ELFN1: variants seen among roughly 807,000 people sequenced by gnomAD.
The protein encoded by ELFN1 is protein ELFN1.
In ELFN1, 6 loss-of-function variants were observed where a neutral mutation model predicts 7.6. The ratio of observed to expected loss-of-function variants is 0.79; its 90% confidence interval spans 0.43 to 1.56. ELFN1 has a LOEUF of 1.56. Among genes scored for constraint, ELFN1 ranks in the 40% most tolerant of loss-of-function variants. The pLI, the probability that ELFN1 is intolerant of heterozygous loss-of-function variation, is 0.01. For missense variants in ELFN1, 1,169 were observed against 1,232.2 expected (o/e 0.95, Z 0.77); for synonymous variants, 657 against 588.1 (o/e 1.12, Z -1.70).
intron 1 of ELFN1, among the ~76,000 whole-genome samples, chr7:1,685,409 C>G (rs960864800): frequency 1.1e-4 from 17 of 152,134 alleles, no homozygotes; most frequent in African/African-American, 4.1e-4. Context: ...GTGTCTTTCT[C>G]TCTCTCCTGT....
In ELFN1 at chr7:1,745,927, G is replaced by A. The variant is rs563858883; in HGVS notation, c.1331G>A (p.Arg444Gln). ...GAVYYCLRRR[R>Q]RQEEKHKKAA... Reference sequence around the variant, plus strand: ...GTCTACTACTGCCTGCGCAGGCGGCGGCGCCAGGAGGAGAAGCACAAGAAG... The same window carrying A: ...GTCTACTACTGCCTGCGCAGGCGGCAGCGCCAGGAGGAGAAGCACAAGAAG... The change falls in exon 4 of 4, where the codon CGG becomes CAG. Residue 444 changes from arginine to glutamine, a missense_variant. Around this residue, in one of 2 missense-constraint regions of ELFN1, gnomAD observed 914 missense variants for 872.6 expected, o/e 1.05. Coordinates refer to ENST00000424383, the MANE Select transcript of ELFN1 (RefSeq NM_001128636.4). 79 of 1,563,858 alleles carry A rather than the reference G, an allele frequency of 5.1e-5. No homozygotes were observed. The highest frequency in any genetic ancestry group is 1.2e-4 in the East Asian group (5 of 41,658).
rs138106969 is a variant in ELFN1 at position 1,735,054 on chromosome 7, G to A, written c.-293-9250G>A. On this transcript the variant is annotated intron_variant, in intron 3 of 3. Coordinates refer to ENST00000424383, the MANE Select transcript of ELFN1 (RefSeq NM_001128636.4). This position sits in a 1 kb window ranked among gnomAD's most constrained non-coding sequence, Gnocchi z 5.9. The stretch of plus-strand genomic sequence containing the variant: ...TGTTGCCGCCTTCCTGGGCCTTGCC[G>A]TGGGGGAGTCTCAACTTCCTGGCTA... 3.5e-3 allele frequency among the ~76,000 whole-genome samples: 539 copies of A among 152,240 alleles called. 5 individuals are homozygous for A. Among genetic ancestry groups the A allele is most frequent in the African/African-American group, 0.012 (495 of 41,544 alleles).
chr7:1,674,680 C>T (rs1454096367), intron 1 of ELFN1, among the ~76,000 whole-genome samples: 1 of 152,130 alleles, frequency 6.6e-6, no homozygotes, highest in Non-Finnish European at 1.5e-5. Context: ...CTGCCAGTTC[C>T]AGGACAGACT....
intron 3 of ELFN1, among the ~76,000 whole-genome samples, chr7:1,714,940 C>T (rs1779784074): frequency 6.6e-6 from 1 of 152,228 alleles, no homozygotes; most frequent in African/African-American, 2.4e-5. Context: ...TAGCTTCCTG[C>T]TCTGCCACTG....
In ELFN1 at chr7:1,717,823, G is replaced by A. The variant is rs139176940; in HGVS notation, c.-294+8571G>A. The stretch of plus-strand genomic sequence containing the variant: ...AGGGTGGGCATGTCAGGGACAGGTC[G>A]CAGGGGAGGAGGAAGTTGTAGTCCT... On this transcript the variant is annotated intron_variant, in intron 3 of 3. Transcript: ENST00000424383. Among the ~76,000 whole-genome samples, 68 of 152,246 alleles carry A rather than the reference G, an allele frequency of 4.5e-4. 1 individual carries two copies. The highest frequency in any genetic ancestry group is 1.5e-3 in the African/African-American group (61 of 41,542).
In ELFN1 at chr7:1,691,264, G is replaced by C. The variant is rs546769868; in HGVS notation, c.-456+3114G>C. Among the ~76,000 whole-genome samples, 5 of 152,310 alleles carry C rather than the reference G, an allele frequency of 3.3e-5. No individual in the cohort carries two copies. In the South Asian group the frequency reaches 1.0e-3, roughly 32 times the overall value. On this transcript the variant is annotated intron_variant, in intron 2 of 3. Coordinates refer to ENST00000424383, the MANE Select transcript of ELFN1 (RefSeq NM_001128636.4). ...CTCCGGGATGCCGACACTGATCCCA[G>C]CAGACAGGAGGTCTGTTTGCACCCT...
intron 2 of ELFN1, among the ~76,000 whole-genome samples, chr7:1,700,806 G>A (rs1477264281): frequency 6.6e-6 from 1 of 152,224 alleles, no homozygotes; most frequent in African/African-American, 2.4e-5. Context: ...CCGGTCTGGC[G>A]GGTGTGTCCT....
At chr7:1,699,401 G>A (rs919829302) in intron 2 of ELFN1, among the ~76,000 whole-genome samples, 1 of 152,202 alleles carries the variant, frequency 6.6e-6, no homozygotes, top group Non-Finnish European at 1.5e-5. Context: ...ACTTTGGGAG[G>A]CCGAGGTGGG....
In ELFN1 at chr7:1,719,106, CCCA is replaced by C. The variant is rs572609328; in HGVS notation, c.-294+9858_-294+9860del. ...CCCAGGGGTTACCAACAGGGCCCCG[CCCA>C]CCAACAGGACCCCGCCCACCAACAG... On this transcript the variant is annotated intron_variant, in intron 3 of 3. Coordinates refer to ENST00000424383, the MANE Select transcript of ELFN1 (RefSeq NM_001128636.4). Among the ~76,000 whole-genome samples the C allele has an allele frequency of 4.8e-3, 721 of 149,790 alleles. 6 individuals are homozygous for C. Among genetic ancestry groups the C allele is most frequent in the Middle Eastern group, 0.014 (4 of 288 alleles).
At chr7:1,718,088 C>T (rs1266444493) in intron 3 of ELFN1, among the ~76,000 whole-genome samples, 1 of 152,174 alleles carries the variant, frequency 6.6e-6, no homozygotes, top group Non-Finnish European at 1.5e-5. Flanking sequence ...TGTCTGGAAC[C>T]AAAGTGGCTG....
Position 1,746,668 on chromosome 7 carries a change from GGGCCGA to G in ELFN1, c.2080_2085del (p.Ala694_Glu695del). 7.2e-7 allele frequency: 1 copy of G among 1,382,320 alleles called. No homozygotes were observed. Among genetic ancestry groups the G allele is most frequent in the Non-Finnish European group, 9.3e-7 (1 of 1,074,124 alleles). The allele number at this position is 1,382,320 out of a possible 1,614,324, so 85.6% of individuals were successfully genotyped here. ...GTGACACCCGCGGCCGCCGTGCTGC[GGGCCGA>G]GGCCGAGAAGGGTCGCCAGTACGGC... On this transcript the variant is annotated inframe_deletion, in exon 4 of 4. Coordinates refer to ENST00000424383, the MANE Select transcript of ELFN1 (RefSeq NM_001128636.4).
rs1204533378 is a variant in ELFN1, at chr7:1,705,948, G to C, written c.-455-3143G>C. On this transcript the variant is annotated intron_variant, in intron 2 of 3. Transcript: ENST00000424383. The surrounding 1 kb of genome is among the most constrained non-coding windows in gnomAD (Gnocchi z 4.3). ...AGATTGAACTGTGAGCCTTCACCCTGACAAAGGGATGGTCACGATCGTCCT... is the reference window on the plus strand; with the variant it reads ...AGATTGAACTGTGAGCCTTCACCCTCACAAAGGGATGGTCACGATCGTCCT... Among the ~76,000 whole-genome samples, 4 of 152,216 alleles carry C rather than the reference G, an allele frequency of 2.6e-5. No homozygotes were observed. The highest frequency in any genetic ancestry group is 7.2e-5 in the African/African-American group (3 of 41,456).
At chr7:1,716,105 A>G (rs780993575) in intron 3 of ELFN1, among the ~76,000 whole-genome samples, 1 of 152,134 alleles carries the variant, frequency 6.6e-6, no homozygotes, top group Non-Finnish European at 1.5e-5. Flanking sequence ...GAGTAAGTAA[A>G]TGAGAAGCCA....
intron 1 of ELFN1, among the ~76,000 whole-genome samples, chr7:1,680,687 C>G (rs1778958428): frequency 6.6e-6 from 1 of 151,898 alleles, no homozygotes. Context: ...GTCAGCACCC[C>G]CTACCCCACC....
In ELFN1 at chr7:1,670,385, C is replaced by T. The variant is rs554025983; in HGVS notation, c.-549+31C>T. ...CGGCGAGCGCGGCCGGGCGCTGAAC[C>T]TGGGGGACTTGGGACCCGGACCACC... is the stretch of plus-strand genomic sequence containing the variant. On this transcript the variant is annotated intron_variant, in intron 1 of 3. Coordinates refer to ENST00000424383, the MANE Select transcript of ELFN1 (RefSeq NM_001128636.4). This position sits in a 1 kb window ranked among gnomAD's most constrained non-coding sequence, Gnocchi z 6.4. Among the ~76,000 whole-genome samples, 1 of 151,748 alleles carries T rather than the reference C, an allele frequency of 6.6e-6. No homozygotes were observed. The highest frequency in any genetic ancestry group is 6.6e-5 in the Admixed American group (1 of 15,242).
upstream of ELFN1, among the ~76,000 whole-genome samples, chr7:1,667,446 C>G (rs1009990404): frequency 2.0e-5 from 3 of 152,112 alleles, no homozygotes; most frequent in African/African-American, 7.2e-5. The surrounding 1 kb of genome is among the most constrained non-coding windows in gnomAD (Gnocchi z 8.2). Flanking sequence ...TTTAGGGATG[C>G]AGCTCGGGCG....
At position 1,745,702 on chromosome 7, in the gene ELFN1, C is replaced by T. The variant is rs1469843198; in HGVS notation, c.1106C>T (p.Thr369Ile). The change falls in exon 4 of 4, where the codon ACC becomes ATC. Residue 369 changes from threonine (T) to isoleucine (I), a missense_variant. Physicochemically the swap from Thr to Ile is moderately conservative, Grantham distance 89. This residue lies in a region of ELFN1 where 914 missense variants were observed against 872.6 expected (regional missense o/e 1.05). Coordinates refer to ENST00000424383, the MANE Select transcript of ELFN1 (RefSeq NM_001128636.4). ...LTKAQEEIRL[T>I]NLFTLTNYTY... is the part of the protein sequence containing the mutation. ...AAGGCCCAGGAGGAGATCCGTCTGA[C>T]CAACCTGTTCACGCTCACCAACTAC... 1 of 1,551,448 alleles carries T rather than the reference C, an allele frequency of 6.4e-7. No homozygotes were observed. Among genetic ancestry groups the T allele is most frequent in the Non-Finnish European group, 8.7e-7 (1 of 1,147,022 alleles).
At chr7:1,738,749 G>C (rs1465946800) in intron 3 of ELFN1, 2 of 152,036 alleles carry the variant, frequency 1.3e-5, no homozygotes, top group Non-Finnish European at 2.9e-5. Flanking sequence ...TCCAGTCCTG[G>C]CTGCTGGGCA....
chr7:1,694,955 A>G (rs548481739), intron 2 of ELFN1, among the ~76,000 whole-genome samples: 1 of 152,340 alleles, frequency 6.6e-6, no homozygotes, highest in Non-Finnish European at 1.5e-5. Context: ...GGCTGCCAAC[A>G]GCAGCCTGTG....
Sources: allele counts gnomAD v4.1 joint callset (sites outside exome capture counted in the v4.1 genomes callset), GRCh38; gene constraint gnomAD v4.1.1; regional missense constraint gnomAD v4.1.1; non-coding constraint Gnocchi (gnomAD v3.1); transcripts MANE v1.5; gene names NCBI Gene and HGNC (gene_info 2026-07-23, HGNC 2026-07-21).